The following QNG1 variants were observed in gnomAD, a reference collection of about 807,000 sequenced individuals.
QNG1 encodes Q-nucleotide N-glycosylase 1.
chr9:83,938,412 C>T, the QNG1 span: 1 of 151,626 alleles, frequency 6.6e-6, no homozygotes, highest in East Asian at 1.9e-4. Flanking sequence ...TGTACAAAAC[C>T]CACTGTCATT....
At chr9:83,946,611 G>A in the QNG1 span, among the ~76,000 whole-genome samples, 1 of 152,180 alleles carries the variant, frequency 6.6e-6, no homozygotes, top group African/African-American at 2.4e-5. Context: ...TTCTAGCTAA[G>A]TGTGGTGGCT....
the QNG1 span, chr9:83,953,550 G>A: frequency 2.4e-4 from 85 of 354,004 alleles, no homozygotes; most frequent in South Asian, 6.5e-5. Context: ...GTTTCACCAC[G>A]TTGGCCAGGC....
the QNG1 span, chr9:83,939,782 A>G: frequency 1.1e-4 from 143 of 1,348,676 alleles, no homozygotes; most frequent in Non-Finnish European, 1.4e-4. Flanking sequence ...TTAATAGTCA[A>G]TGATACATAA....
At chr9:83,949,828 T>C in the QNG1 span, among the ~76,000 whole-genome samples, 3 of 151,854 alleles carry the variant, frequency 2.0e-5, no homozygotes, top group Non-Finnish European at 4.4e-5. Context: ...CAAACTTACA[T>C]AGCAACCCAC....
the QNG1 span, among the ~76,000 whole-genome samples, chr9:83,948,673 G>GA: frequency 6.6e-6 from 1 of 152,366 alleles, no homozygotes; most frequent in South Asian, 2.1e-4. Context: ...GTGGGGAAAG[G>GA]AAAGAGGGAT....
At chr9:83,944,420 C>G in the QNG1 span, among the ~76,000 whole-genome samples, 1 of 152,154 alleles carries the variant, frequency 6.6e-6, no homozygotes, top group Non-Finnish European at 1.5e-5. Context: ...CACTCAAAAG[C>G]CAATTCATAT....
At chr9:83,939,750 G>C in the QNG1 span, 13 of 1,603,520 alleles carry the variant, frequency 8.1e-6, no homozygotes, top group Non-Finnish European at 1.0e-5. Context: ...TCTCCTGCAA[G>C]GGGGAAAAGC....
the QNG1 span, chr9:83,939,733 G>C: frequency 1.5e-5 from 25 of 1,613,404 alleles, no homozygotes; most frequent in Admixed American, 1.7e-5. Context: ...CTCCATATGA[G>C]AGCATTTCTC....
the QNG1 span, chr9:83,945,041 T>C: frequency 7.3e-7 from 1 of 1,367,478 alleles, no homozygotes; most frequent in South Asian, 1.4e-5. Context: ...AAGCTTTATA[T>C]ATGCTATTTT....
chr9:83,956,452 T>C, the QNG1 span: 5 of 1,540,458 alleles, frequency 3.2e-6, no homozygotes, highest in African/African-American at 6.9e-5. Flanking sequence ...TCCCGACTGT[T>C]TTCTGCAATG....
At chr9:83,943,213 G>A in the QNG1 span, among the ~76,000 whole-genome samples, 3 of 151,344 alleles carry the variant, frequency 2.0e-5, no homozygotes, top group African/African-American at 4.9e-5. Context: ...CGTGGCATGC[G>A]CCTGTAATCC....
chr9:83,953,840 T>C, the QNG1 span: 4 of 1,540,304 alleles, frequency 2.6e-6, no homozygotes, highest in African/African-American at 4.1e-5. Flanking sequence ...TTTGTTCAAG[T>C]ACACTGTGTA....
At chr9:83,947,655 A>G in the QNG1 span, among the ~76,000 whole-genome samples, 1 of 152,172 alleles carries the variant, frequency 6.6e-6, no homozygotes, top group South Asian at 2.1e-4. Flanking sequence ...CTGGGATTGC[A>G]GGCGCTCGCC....
the QNG1 span, chr9:83,939,261 T>C: frequency 2.6e-6 from 1 of 389,002 alleles, no homozygotes. Flanking sequence ...TTAGTAGAGA[T>C]GGGGTTTCAC....
the QNG1 span, among the ~76,000 whole-genome samples, chr9:83,951,517 C>T: frequency 5.7e-4 from 87 of 152,168 alleles, no homozygotes; most frequent in Admixed American, 9.8e-4. Flanking sequence ...GCCGAGATTG[C>T]GCCATTGCAC....
chr9:83,948,350 C>T, the QNG1 span, among the ~76,000 whole-genome samples: 3 of 121,984 alleles, frequency 2.5e-5, no homozygotes, highest in East Asian at 2.3e-4. Flanking sequence ...GGAGGGTCTC[C>T]GCCCGGCAGC....
At chr9:83,939,632 T>C in the QNG1 span, 1 of 1,614,152 alleles carries the variant, frequency 6.2e-7, no homozygotes, top group South Asian at 1.1e-5. Flanking sequence ...ATTAGGTTTT[T>C]CACCCTTTTG....
chr9:83,947,688 A>T, the QNG1 span, among the ~76,000 whole-genome samples: 1 of 152,132 alleles, frequency 6.6e-6, no homozygotes, highest in South Asian at 2.1e-4. Flanking sequence ...TGGTTTTTGT[A>T]TTTTTTGGTG....
chr9:83,950,270 G>C, the QNG1 span, among the ~76,000 whole-genome samples: 2 of 151,838 alleles, frequency 1.3e-5, no homozygotes, highest in South Asian at 4.2e-4. Context: ...GGCTGGTCTT[G>C]AACTCCTGAC....
Sources: allele counts gnomAD v4.1 joint callset (sites outside exome capture counted in the v4.1 genomes callset), GRCh38; gene constraint gnomAD v4.1.1; transcripts MANE v1.5; gene names NCBI Gene and HGNC (gene_info 2026-07-23, HGNC 2026-07-21).